The following RIMS2 variants were observed in gnomAD, a reference collection of about 807,000 sequenced individuals.
RIMS2 encodes regulating synaptic membrane exocytosis protein 2.
RIMS2 carries 59 observed loss-of-function variants against 174.4 expected under a neutral mutation model. The observed-to-expected ratio is 0.34, with a 90% CI of 0.27 to 0.42. The LOEUF is 0.42. Ranked by LOEUF, RIMS2 falls within the 10% of genes least tolerant of loss-of-function variation. The pLI is 1.00. For missense variants in RIMS2, 1,620 were observed against 1,666.3 expected (o/e 0.97, Z 0.48); for synonymous variants, 606 against 572.5 (o/e 1.06, Z -0.84).
intron 13 of RIMS2, among the ~76,000 whole-genome samples, chr8:103,938,275 G>A (rs2081724678): frequency 6.6e-6 from 1 of 152,072 alleles, no homozygotes; most frequent in African/African-American, 2.4e-5. Context: ...GAAGAAAAAG[G>A]GATTTAATGT....
chr8:103,860,049 T>C (rs1292993355), intron 3 of RIMS2, among the ~76,000 whole-genome samples: 1 of 152,162 alleles, frequency 6.6e-6, no homozygotes, highest in African/African-American at 2.4e-5. Context: ...GAATTTTCCA[T>C]AGGTCTAATC....
chr8:104,098,721 CAT>C (rs747500930), intron 19 of RIMS2, among the ~76,000 whole-genome samples: 3 of 151,982 alleles, frequency 2.0e-5, no homozygotes, highest in Non-Finnish European at 4.4e-5. Context: ...CAAAAGATCT[CAT>C]AATCTTTAGA....
intron 19 of RIMS2, among the ~76,000 whole-genome samples, chr8:104,054,383 T>C (rs1474481299): frequency 6.6e-6 from 1 of 152,178 alleles, no homozygotes; most frequent in East Asian, 1.9e-4. Flanking sequence ...TACAATTTAG[T>C]GTCCAAGCAT....
chr8:104,252,229 G>T (rs1048470487), downstream of RIMS2: 1 of 193,410 alleles, frequency 5.2e-6, no homozygotes. Flanking sequence ...GCCATGAAGC[G>T]GTGTTACAGG....
chr8:103,558,027 GT>G (rs2090830055), intron 1 of RIMS2, among the ~76,000 whole-genome samples: 1 of 151,934 alleles, frequency 6.6e-6, no homozygotes, highest in Non-Finnish European at 1.5e-5. Context: ...TGATCTTAAA[GT>G]TTTCAAAAAG....
intron 19 of RIMS2, among the ~76,000 whole-genome samples, chr8:104,224,531 A>G (rs1270947256): frequency 6.6e-6 from 1 of 152,224 alleles, no homozygotes; most frequent in Admixed American, 6.5e-5. Context: ...GTAAATAGTA[A>G]GTAGTGTCCC....
intron 1 of RIMS2, among the ~76,000 whole-genome samples, chr8:103,607,403 A>T (rs1381647756): frequency 1.3e-5 from 2 of 151,880 alleles, no homozygotes; most frequent in African/African-American, 4.8e-5. Context: ...CTTTGAGGGT[A>T]ACCCGACCTT....
chr8:103,886,367 A>T (rs2099201461), intron 4 of RIMS2, 144 bp downstream of exon 7: 1 of 661,194 alleles, frequency 1.5e-6, no homozygotes, highest in South Asian at 2.1e-5. Flanking sequence ...GTGTGAAGAA[A>T]ATTTCGTGTT....
chr8:104,122,670 C>A (rs565172846), intron 19 of RIMS2, among the ~76,000 whole-genome samples: 1 of 152,178 alleles, frequency 6.6e-6, no homozygotes, highest in African/African-American at 2.4e-5. Flanking sequence ...CTGCATATTT[C>A]TATTTAGATT....
At chr8:103,750,919 G>A (rs1008484510) in intron 2 of RIMS2, among the ~76,000 whole-genome samples, 1 of 152,106 alleles carries the variant, frequency 6.6e-6, no homozygotes, top group African/African-American at 2.4e-5. Flanking sequence ...ACGTGTTGTG[G>A]GAGGGACGCA....
At chr8:104,064,487 T>C (rs1451038201) in intron 19 of RIMS2, among the ~76,000 whole-genome samples, 1 of 151,978 alleles carries the variant, frequency 6.6e-6, no homozygotes, top group Non-Finnish European at 1.5e-5. Context: ...TTATTATAAA[T>C]TAAGGGAAAG....
In RIMS2 at chr8:103,629,864, AAAAAC is replaced by A. The variant is rs2095869817; in HGVS notation, c.177-67218_177-67214del. Among the ~76,000 whole-genome samples the A allele has an allele frequency of 2.0e-5, 3 of 152,154 alleles. No individual in the cohort carries two copies. The South Asian group carries it at 6.2e-4, about 32-fold the overall frequency. ...CCAATTTTAAAATCTGATGAACAGAAAAAACAAATTAACAAATGAACCATCTTGGA... is the reference window on the plus strand; with the variant it reads ...CCAATTTTAAAATCTGATGAACAGAAAAATTAACAAATGAACCATCTTGGA... On this transcript the variant is annotated intron_variant, in intron 1 of 23. Coordinates refer to ENST00000504942, the Ensembl canonical transcript of RIMS2.
At chr8:104,059,966 T>G (rs1202565251) in intron 19 of RIMS2, among the ~76,000 whole-genome samples, 1 of 151,940 alleles carries the variant, frequency 6.6e-6, no homozygotes, top group Non-Finnish European at 1.5e-5. Flanking sequence ...GCTGGATTCG[T>G]TTTGCCAGTA....
At chr8:103,622,093 A>C (rs1489458138) in intron 1 of RIMS2, among the ~76,000 whole-genome samples, 2 of 152,212 alleles carry the variant, frequency 1.3e-5, no homozygotes, top group Non-Finnish European at 2.9e-5. Context: ...CTAACAATAT[A>C]AAAATTATTC....
chr8:104,037,797 A>G (rs190674381), intron 19 of RIMS2, among the ~76,000 whole-genome samples: 2 of 152,250 alleles, frequency 1.3e-5, no homozygotes, highest in African/African-American at 4.8e-5. Context: ...ACATGCATTA[A>G]TATCTATATA....
At chr8:103,520,776 T>C (rs978121909) in intron 1 of RIMS2, among the ~76,000 whole-genome samples, 6 of 152,122 alleles carry the variant, frequency 3.9e-5, no homozygotes, top group Non-Finnish European at 7.4e-5. Flanking sequence ...TTCTTAAGTT[T>C]ATATTAATTC....
chr8:103,701,354 A>G (rs6984630), intron 2 of RIMS2, among the ~76,000 whole-genome samples: 1 of 152,156 alleles, frequency 6.6e-6, no homozygotes, highest in Non-Finnish European at 1.5e-5. Flanking sequence ...TAACAACTGT[A>G]CAATGTGTAA....
intron 1 of RIMS2, among the ~76,000 whole-genome samples, chr8:103,654,982 G>GAAAAATCT (rs2096507667): frequency 6.6e-6 from 1 of 151,774 alleles, no homozygotes; most frequent in Non-Finnish European, 1.5e-5. Flanking sequence ...TGCGGTTGTT[G>GAAAAATCT]AAAAATCTAA....
intron 17 of RIMS2, among the ~76,000 whole-genome samples, chr8:104,009,368 A>G (rs2095685858): frequency 6.6e-6 from 1 of 151,852 alleles, no homozygotes; most frequent in African/African-American, 2.4e-5. Context: ...ATCACAGCTC[A>G]CTGCAGCCTC....
Sources: allele counts gnomAD v4.1 joint callset (sites outside exome capture counted in the v4.1 genomes callset), GRCh38; gene constraint gnomAD v4.1.1; transcripts MANE v1.5; gene names NCBI Gene and HGNC (gene_info 2026-07-23, HGNC 2026-07-21).